Variants in CACNA1D observed in about 807,000 individuals in gnomAD.
The protein encoded by CACNA1D is calcium voltage-gated channel subunit alpha1 D.
A neutral mutation model predicts 257.1 loss-of-function variants in CACNA1D; 55 were observed. The observed-to-expected ratio is 0.21, with a 90% CI of 0.17 to 0.27. The LOEUF is 0.27. Ranked by LOEUF, CACNA1D falls within the 10% of genes least tolerant of loss-of-function variation. The probability of loss-of-function intolerance (pLI) is 1.00; values close to 1 mark genes in which losing one functional copy is unlikely to be tolerated. For synonymous variants in CACNA1D, 980 were observed against 1,014.9 expected (o/e 0.97, Z 0.65); for missense variants, 1,876 against 2,784.0 (o/e 0.67, Z 7.34).
intron 3 of CACNA1D, among the ~76,000 whole-genome samples, chr3:53,507,443 TC>T: frequency 7.3e-6 from 1 of 136,548 alleles, no homozygotes; most frequent in South Asian, 2.4e-4. Flanking sequence ...ATTCCATGTC[TC>T]CCCCCGCCAA....
rs112403394 is a variant in CACNA1D, at chr3:53,743,894, G to T, written c.2918+777G>T. Among the ~76,000 whole-genome samples, 1,020 of 152,112 alleles carry T rather than the reference G, an allele frequency of 6.7e-3. 11 individuals carry two copies. The highest frequency in any genetic ancestry group is 0.023 in the African/African-American group (967 of 41,490). On this transcript the variant is annotated intron_variant, in intron 22 of 47. Coordinates refer to ENST00000350061, the MANE Select transcript of CACNA1D (RefSeq NM_001128840.3). The stretch of plus-strand genomic sequence containing the variant: ...TAGGAAGACCAAAAACCTCTGCTTG[G>T]AACAGCCCTTTGTGTTATCCTTCTC...
At chr3:53,801,999 A>T in intron 42 of CACNA1D, 148 bp from the exon 43 acceptor site, 1 of 773,252 alleles carries the variant, frequency 1.3e-6, no homozygotes, top group Non-Finnish European at 2.4e-6. Context: ...TGGGTCATAC[A>T]AGGCCAGGTG....
intron 3 of CACNA1D, among the ~76,000 whole-genome samples, chr3:53,537,545 CA>C (rs928639556): frequency 5.2e-5 from 7 of 133,784 alleles, no homozygotes; most frequent in Non-Finnish European, 9.4e-5. Flanking sequence ...TCTGCTAACA[CA>C]TGAGAAAAAA....
chr3:53,797,971 T>G (rs959026023), intron 40 of CACNA1D: 1 of 152,214 alleles, frequency 6.6e-6, no homozygotes, highest in Non-Finnish European at 1.5e-5. Context: ...TTAAACCTTG[T>G]CTTTTTGTTT....
intron 3 of CACNA1D, among the ~76,000 whole-genome samples, chr3:53,504,157 G>T (rs2090724213): frequency 1.3e-5 from 2 of 151,750 alleles, no homozygotes; most frequent in African/African-American, 2.4e-5. Context: ...TTTTTCATCT[G>T]TAGTAAATAC....
intron 3 of CACNA1D, among the ~76,000 whole-genome samples, chr3:53,619,972 C>T (rs1019867594): frequency 6.6e-6 from 1 of 152,156 alleles, no homozygotes; most frequent in South Asian, 2.1e-4. Flanking sequence ...TGGCCATGGG[C>T]ACAGACAGTT....
intron 3 of CACNA1D, among the ~76,000 whole-genome samples, chr3:53,517,771 C>T (rs565300190): frequency 6.6e-5 from 10 of 152,246 alleles, no homozygotes; most frequent in Admixed American, 5.9e-4. Flanking sequence ...CATGAGCCAC[C>T]GTGCCCGGCC....
At chr3:53,531,889 G>A (rs908572371) in intron 3 of CACNA1D, among the ~76,000 whole-genome samples, 1 of 152,178 alleles carries the variant, frequency 6.6e-6, no homozygotes, top group African/African-American at 2.4e-5. Context: ...TTGCAGGGTG[G>A]TTAGAATTTG....
chr3:53,569,910 G>T (rs1289117793), intron 3 of CACNA1D, among the ~76,000 whole-genome samples: 1 of 152,130 alleles, frequency 6.6e-6, no homozygotes, highest in Non-Finnish European at 1.5e-5. Flanking sequence ...TAGGGCTCTT[G>T]GGAGAAATTA....
chr3:53,730,341 AC>A (rs1385326540), intron 15 of CACNA1D, 100 bp from the exon 16 acceptor site: 6 of 788,070 alleles, frequency 7.6e-6, no homozygotes, highest in Non-Finnish European at 1.4e-5. Context: ...ACGGTCACTT[AC>A]TACCAGCTTC....
intron 2 of CACNA1D, among the ~76,000 whole-genome samples, chr3:53,497,713 A>G (rs1191981371): frequency 6.6e-6 from 1 of 152,172 alleles, no homozygotes; most frequent in East Asian, 1.9e-4. Flanking sequence ...TGACAGCCTG[A>G]AACTTCACAG....
At chr3:53,691,746 TATA>T in intron 8 of CACNA1D, among the ~76,000 whole-genome samples, 1 of 111,020 alleles carries the variant, frequency 9.0e-6, no homozygotes, top group East Asian at 2.3e-4. Flanking sequence ...ATATTACATA[TATA>T]ATATATATTA....
chr3:53,744,289 T>G (rs990875181), intron 22 of CACNA1D, among the ~76,000 whole-genome samples: 15 of 149,040 alleles, frequency 1.0e-4, no homozygotes, highest in East Asian at 4.1e-4. Flanking sequence ...TTTACCCCTG[T>G]CATGTGCCAC....
At chr3:53,651,006 A>G in intron 4 of CACNA1D, 88 bp downstream of exon 4, 1 of 1,255,436 alleles carries the variant, frequency 8.0e-7, no homozygotes, top group East Asian at 2.3e-5. Flanking sequence ...CAGTCTTTTT[A>G]GGGAATGTGG....
In CACNA1D at chr3:53,740,356, G is replaced by C. The variant is rs753384155; in HGVS notation, c.2811+17G>C. 16 of 1,554,208 alleles carry C rather than the reference G, an allele frequency of 1.0e-5. No homozygotes were observed. Among genetic ancestry groups the C allele is most frequent in the Non-Finnish European group, 1.4e-5 (16 of 1,125,672 alleles). ...CTGTTGAAGGTAATGAATTTTCCTT[G>C]ATCTTCACATACTCCACAGCAGCTG... On this transcript the variant is annotated intron_variant, in intron 21 of 47. Coordinates refer to ENST00000350061, the MANE Select transcript of CACNA1D (RefSeq NM_001128840.3).
At chr3:53,610,318 C>A (rs1183779950) in intron 3 of CACNA1D, among the ~76,000 whole-genome samples, 1 of 152,158 alleles carries the variant, frequency 6.6e-6, no homozygotes, top group Admixed American at 6.5e-5. Context: ...CTTGTTTTAT[C>A]AGTTATGAGA....
At chr3:53,722,148 G>A (rs1425022184) in intron 11 of CACNA1D, among the ~76,000 whole-genome samples, 166 bp from the exon 12 acceptor site, 1 of 152,192 alleles carries the variant, frequency 6.6e-6, no homozygotes, top group Non-Finnish European at 1.5e-5. Flanking sequence ...TAATTTTTAT[G>A]ATGAAGTCTG....
chr3:53,639,828 C>T (rs1376364136), intron 3 of CACNA1D, among the ~76,000 whole-genome samples: 3 of 150,182 alleles, frequency 2.0e-5, no homozygotes, highest in African/African-American at 7.3e-5. Context: ...TAACCAGTTC[C>T]TGCCATTTTG....
intron 3 of CACNA1D, among the ~76,000 whole-genome samples, chr3:53,556,079 T>A (rs2092640202): frequency 6.6e-6 from 1 of 152,242 alleles, no homozygotes; most frequent in Admixed American, 6.5e-5. Context: ...CTCAGCATAA[T>A]GCCTTTGATA....
Sources: allele counts gnomAD v4.1 joint callset (sites outside exome capture counted in the v4.1 genomes callset), GRCh38; gene constraint gnomAD v4.1.1; transcripts MANE v1.5; gene names NCBI Gene and HGNC (gene_info 2026-07-23, HGNC 2026-07-21).